The following ADAMTS18 variants were observed in gnomAD, a reference collection of about 807,000 sequenced individuals.
The protein encoded by ADAMTS18 is A disintegrin and metalloproteinase with thrombospondin motifs 18.
A neutral mutation model predicts 165.9 loss-of-function variants in ADAMTS18; 157 were observed. The observed-to-expected ratio is 0.95, with a 90% CI of 0.83 to 1.08. The LOEUF is 1.08. ADAMTS18 is among the 50% of genes least tolerant of loss of function. The probability of loss-of-function intolerance (pLI) is 0.00; values close to 1 mark genes in which losing one functional copy is unlikely to be tolerated. For synonymous variants in ADAMTS18, 782 were observed against 578.2 expected (o/e 1.35, Z -5.06); for missense variants, 2,040 against 1,534.0 (o/e 1.33, Z -5.51).
intron 3 of ADAMTS18, among the ~76,000 whole-genome samples, chr16:77,412,793 A>G (rs2057481813): frequency 6.6e-6 from 1 of 152,098 alleles, no homozygotes; most frequent in African/African-American, 2.4e-5. Context: ...TGATTCAATT[A>G]TCTCCCACCA....
intron 3 of ADAMTS18, among the ~76,000 whole-genome samples, chr16:77,417,850 T>G (rs968590042): frequency 2.6e-5 from 4 of 152,194 alleles, no homozygotes. Context: ...GGCACACATT[T>G]GCAAAGCACA....
chr16:77,320,132 A>G, intron 15 of ADAMTS18, 39 bp from the exon 16 acceptor site: 6 of 1,613,164 alleles, frequency 3.7e-6, no homozygotes, highest in Non-Finnish European at 5.1e-6. Context: ...ATTCCACCCC[A>G]TGCATTGGAG....
chr16:77,325,071 G>C lies in ADAMTS18; in HGVS notation c.2032+795C>G, dbSNP rs28424133. Among the ~76,000 whole-genome samples, 466 of 152,274 alleles carry C rather than the reference G, an allele frequency of 3.1e-3. 6 individuals carry two copies. Among genetic ancestry groups the C allele is most frequent in the African/African-American group, 0.011 (452 of 41,556 alleles). ...TCCTTTATGATCACTGATTAATATA[G>C]GTTCATGTTGCGCTTTTGCACAGAA... On this transcript the variant is annotated intron_variant, in intron 13 of 22. Coordinates refer to ENST00000282849, the MANE Select transcript of ADAMTS18 (RefSeq NM_199355.4).
At chr16:77,320,164 G>C in intron 15 of ADAMTS18, 71 bp from the exon 16 acceptor site, 1 of 1,575,674 alleles carries the variant, frequency 6.3e-7, no homozygotes, top group Non-Finnish European at 8.7e-7. Context: ...GAAATGGCCC[G>C]ACATGTAGTG....
In ADAMTS18 at chr16:77,434,701, G is replaced by C; in HGVS notation, c.-6C>G. On this transcript the variant is annotated 5_prime_UTR_variant, in exon 1 of 23. Transcript: ENST00000282849. ...AGCAGGAGGGCGCACTCCATGGTCAGGTGCGGACGCGGCGGCTGCGGGTGG... is the reference window on the plus strand; with the variant it reads ...AGCAGGAGGGCGCACTCCATGGTCACGTGCGGACGCGGCGGCTGCGGGTGG... 6.9e-7 allele frequency: 1 copy of C among 1,441,972 alleles called. No homozygotes were observed. Among genetic ancestry groups the C allele is most frequent in the Non-Finnish European group, 9.1e-7 (1 of 1,100,214 alleles). The allele number at this position is 1,441,972 out of a possible 1,614,324, so 89.3% of individuals were successfully genotyped here. A position where few individuals can be genotyped will look rare whatever the true frequency, so the allele number is the denominator to read the frequency against.
intron 22 of ADAMTS18, 118 bp from the exon 23 acceptor site, chr16:77,284,189 G>GT (rs1567449221): frequency 6.0e-6 from 4 of 666,622 alleles, no homozygotes; most frequent in Non-Finnish European, 1.1e-5. Context: ...GGTGTGGTGT[G>GT]ATCTCCGCTC....
intron 19 of ADAMTS18, among the ~76,000 whole-genome samples, chr16:77,294,602 G>A (rs927098075): frequency 1.2e-4 from 18 of 152,060 alleles, no homozygotes; most frequent in African/African-American, 3.4e-4. Flanking sequence ...TTGTATTTGC[G>A]TTTCCCATTT....
intron 17 of ADAMTS18, among the ~76,000 whole-genome samples, chr16:77,299,483 T>C (rs925907032): frequency 6.6e-6 from 1 of 152,216 alleles, no homozygotes; most frequent in African/African-American, 2.4e-5. Context: ...TTGCTCTGTC[T>C]CTGATTCTAA....
At chr16:77,413,188 T>G (rs1341797011) in intron 3 of ADAMTS18, among the ~76,000 whole-genome samples, 1 of 152,114 alleles carries the variant, frequency 6.6e-6, no homozygotes, top group Non-Finnish European at 1.5e-5. Context: ...TGATAATTCT[T>G]TCTGTAGAAT....
chr16:77,362,233 T>C lies in ADAMTS18; in HGVS notation c.1088A>G (p.Gln363Arg), dbSNP rs1255942547. Residue 363 changes from glutamine to arginine, a missense_variant, in exon 7 of 23, where the codon CAG (glutamine) becomes CGG (arginine). Coordinates refer to ENST00000282849, the MANE Select transcript of ADAMTS18 (RefSeq NM_199355.4). ...GGLLINHHAD[Q>R]SLNSFCQWQS... The stretch of plus-strand genomic sequence containing the variant: ...CCATTGACAAAAACTATTCAGAGAC[T>C]GGTCTGCATGATGGTTGATCAATAA... The C allele has an allele frequency of 5.3e-5, 86 of 1,614,054 alleles. No homozygotes were observed. Among genetic ancestry groups the C allele is most frequent in the Non-Finnish European group, 7.1e-5 (84 of 1,180,022 alleles).
intron 3 of ADAMTS18, among the ~76,000 whole-genome samples, chr16:77,414,240 A>G (rs2057501455): frequency 6.6e-6 from 1 of 152,240 alleles, no homozygotes; most frequent in South Asian, 2.1e-4. Flanking sequence ...CAAAGGGACT[A>G]TTACTCAACC....
At chr16:77,367,352 G>T in intron 4 of ADAMTS18, 89 bp downstream of exon 4, 1 of 1,503,606 alleles carries the variant, frequency 6.7e-7, no homozygotes, top group South Asian at 1.1e-5. Context: ...GCCCCATTTT[G>T]ACTTGCAAAG....
At chr16:77,326,099 G>A in intron 12 of ADAMTS18, 61 bp from the exon 13 acceptor site, 2 of 1,501,400 alleles carry the variant, frequency 1.3e-6, no homozygotes, top group Non-Finnish European at 1.8e-6. Flanking sequence ...TTAGTCACAT[G>A]CAATAATATG....
At chr16:77,340,227 T>C (rs1482771045) in intron 11 of ADAMTS18, among the ~76,000 whole-genome samples, 3 of 152,218 alleles carry the variant, frequency 2.0e-5, no homozygotes, top group Admixed American at 1.3e-4. Flanking sequence ...CAGGCTGGAA[T>C]TCAGTGGCAC....
intron 3 of ADAMTS18, among the ~76,000 whole-genome samples, chr16:77,406,689 G>C (rs886455949): frequency 5.3e-5 from 8 of 151,984 alleles, no homozygotes; most frequent in African/African-American, 1.9e-4. Flanking sequence ...ATACACAATA[G>C]CAAAGACGCA....
intron 6 of ADAMTS18, among the ~76,000 whole-genome samples, chr16:77,362,952 T>C (rs4888622): frequency 0.54 from 81,309 of 151,934 alleles, 22,275 homozygotes; most frequent in Non-Finnish European, 0.59. Context: ...TTTCTGTCTT[T>C]CTAAAATTCC....
chr16:77,398,319 A>AAACAACAACAAC (rs143795076), intron 3 of ADAMTS18, among the ~76,000 whole-genome samples: 19 of 150,954 alleles, frequency 1.3e-4, no homozygotes, highest in East Asian at 9.8e-4. Flanking sequence ...TCTGTCTCAA[A>AAACAACAACAAC]AACAACAACA....
intron 3 of ADAMTS18, among the ~76,000 whole-genome samples, chr16:77,376,502 C>G (rs1422440579): frequency 6.6e-6 from 1 of 152,178 alleles, no homozygotes; most frequent in African/African-American, 2.4e-5. Context: ...AGGGAACCAA[C>G]CCCTTCCCCT....
At chr16:77,303,813 C>A (rs1231811806) in intron 16 of ADAMTS18, among the ~76,000 whole-genome samples, 1 of 152,180 alleles carries the variant, frequency 6.6e-6, no homozygotes, top group Non-Finnish European at 1.5e-5. Context: ...GTGGGTGGAT[C>A]ACGAGGTTAG....
Sources: allele counts gnomAD v4.1 joint callset (sites outside exome capture counted in the v4.1 genomes callset), GRCh38; gene constraint gnomAD v4.1.1; transcripts MANE v1.5; gene names NCBI Gene and HGNC (gene_info 2026-07-23, HGNC 2026-07-21).